DMD: variants seen among roughly 807,000 people sequenced by gnomAD.
The protein encoded by DMD is dystrophin.
Under a neutral mutation model 330.1 loss-of-function variants are expected in DMD, and 63 were observed. The ratio of observed to expected loss-of-function variants is 0.19; its 90% CI spans 0.16 to 0.24. DMD has a LOEUF of 0.24. Among genes scored for constraint, DMD ranks in the 10% least tolerant of loss-of-function variants. The pLI, the probability that DMD is intolerant of heterozygous loss-of-function variation, is 1.00. For missense variants in DMD, 3,344 were observed against 2,684.1 expected (o/e 1.25, Z -5.43); for synonymous variants, 1,223 against 959.8 (o/e 1.27, Z -5.07).
chrX:31,774,886 T>A (rs187969593), intron 50 of DMD, among the ~76,000 whole-genome samples: 1 of 112,151 alleles, frequency 8.9e-6, no homozygotes, highest in Non-Finnish European at 1.9e-5. Flanking sequence ...AGTCATTAAA[T>A]AAATCTTAAT....
intron 55 of DMD, among the ~76,000 whole-genome samples, chrX:31,598,479 T>C (rs1464390432): frequency 9.0e-6 from 1 of 111,567 alleles, no homozygotes; most frequent in Admixed American, 9.6e-5. Context: ...CTATTTGCTT[T>C]TCAATTGCTT....
chrX:32,717,074 T>C (rs1043443007), intron 7 of DMD, among the ~76,000 whole-genome samples: 3 of 110,817 alleles, frequency 2.7e-5, no homozygotes, highest in Non-Finnish European at 5.7e-5. Context: ...GACCATGTGG[T>C]AGAAAACAAA....
chrX:31,454,998 G>C (rs2066060013), intron 59 of DMD, among the ~76,000 whole-genome samples: 1 of 93,745 alleles, frequency 1.1e-5, no homozygotes, highest in Admixed American at 1.2e-4. Context: ...ATGTTTTCCA[G>C]GCTGGTCTCA....
intron 1 of DMD, among the ~76,000 whole-genome samples, chrX:33,126,473 C>G (rs1017092217): frequency 3.6e-5 from 4 of 111,318 alleles, no homozygotes; most frequent in Non-Finnish European, 7.5e-5. Flanking sequence ...TGGCATCCAG[C>G]AAGCTGTGGT....
At chrX:32,434,475 C>CA (rs2098251430) in intron 29 of DMD, among the ~76,000 whole-genome samples, 1 of 111,375 alleles carries the variant, frequency 9.0e-6, no homozygotes, top group Non-Finnish European at 1.9e-5. Flanking sequence ...TTTAACCAAC[C>CA]AAAAATCAAG....
At chrX:33,027,630 T>C (rs762420519) in intron 1 of DMD, among the ~76,000 whole-genome samples, 2 of 112,480 alleles carry the variant, frequency 1.8e-5, no homozygotes, top group South Asian at 7.4e-4. Context: ...CTCTAGCTTT[T>C]TTCCTTCTAG....
At chrX:32,957,755 T>C (rs1602214754) in intron 2 of DMD, among the ~76,000 whole-genome samples, 1 of 111,812 alleles carries the variant, frequency 8.9e-6, no homozygotes, top group Non-Finnish European at 1.9e-5. Flanking sequence ...ATGAAAGATC[T>C]ACATCAGCAG....
rs111356942 is a variant in DMD, at chrX:31,440,250, C to T, written c.9084+4231G>A. Among the ~76,000 whole-genome samples, 248 of 108,646 alleles carry T rather than the reference C, an allele frequency of 2.3e-3. 2 individuals carry two copies. The highest frequency in any genetic ancestry group is 8.0e-3 in the African/African-American group (238 of 29,784). The allele number at this position is 108,646 out of a possible 115,157, so 94.3% of individuals were successfully genotyped here. On this transcript the variant is annotated intron_variant, in intron 60 of 78. Coordinates refer to ENST00000357033, the MANE Select transcript of DMD (RefSeq NM_004006.3). Reference sequence around the variant, plus strand: ...GCAACATCCGCCTCCCGGGTTCAAGCGATTCTCCTGCCTCAGCTTCCCAAG... The same window carrying T: ...GCAACATCCGCCTCCCGGGTTCAAGTGATTCTCCTGCCTCAGCTTCCCAAG...
chrX:31,306,524 CTAT>C (rs1331076783), intron 62 of DMD, among the ~76,000 whole-genome samples: 1 of 111,942 alleles, frequency 8.9e-6, no homozygotes, highest in East Asian at 2.8e-4. Flanking sequence ...TATTATTACT[CTAT>C]AAAATGGCAA....
intron 9 of DMD, among the ~76,000 whole-genome samples, chrX:32,675,371 A>C (rs5927095): frequency 0.21 from 23,019 of 110,727 alleles, 3,004 homozygotes; most frequent in African/African-American, 0.49. Context: ...AAAAAGATTA[A>C]TGAAGTCATC....
intron 1 of DMD, among the ~76,000 whole-genome samples, chrX:33,269,223 G>A (rs759414885): frequency 3.6e-5 from 4 of 111,606 alleles, no homozygotes; most frequent in Non-Finnish European, 7.5e-5. Context: ...TAAAGAAAAT[G>A]TAGTACATAC....
chrX:32,034,758 A>C (rs1569534895), intron 44 of DMD, among the ~76,000 whole-genome samples: 1 of 111,865 alleles, frequency 8.9e-6, no homozygotes, highest in Non-Finnish European at 1.9e-5. Flanking sequence ...TTTTAACAAA[A>C]GCCAGCGTTA....
intron 60 of DMD, among the ~76,000 whole-genome samples, chrX:31,411,090 C>T (rs2061626116): frequency 1.8e-5 from 2 of 110,452 alleles, no homozygotes; most frequent in South Asian, 7.9e-4. Flanking sequence ...TGTGTAAGGG[C>T]GTAGGTACTT....
Position 32,189,627 on chromosome X carries a change from A to AT in DMD, c.6438+27288dup, listed in dbSNP as rs34255436. Among the ~76,000 whole-genome samples, 127 of 104,841 alleles carry AT rather than the reference A, an allele frequency of 1.2e-3. 1 individual carries two copies. The highest frequency in any genetic ancestry group is 0.01 in the Middle Eastern group (2 of 196). 91.0% of individuals were successfully genotyped at this position (104,841 alleles called of 115,157 possible). A position where few individuals can be genotyped will look rare whatever the true frequency, so the allele number is the denominator to read the frequency against. The stretch of plus-strand genomic sequence containing the variant: ...ACTACGCAGCAGGCATACTTCTAGG[A>AT]TTTTTTTTTTTTTCCTATATAACCA... On this transcript the variant is annotated intron_variant, in intron 44 of 78. Coordinates refer to ENST00000357033, the MANE Select transcript of DMD (RefSeq NM_004006.3).
intron 44 of DMD, among the ~76,000 whole-genome samples, chrX:32,209,169 T>C (rs1286007443): frequency 8.9e-6 from 1 of 111,786 alleles, no homozygotes; most frequent in Non-Finnish European, 1.9e-5. Context: ...TACTACAGTT[T>C]CAGCAAGTGA....
At chrX:31,782,102 A>T (rs1430113861) in intron 50 of DMD, among the ~76,000 whole-genome samples, 1 of 111,672 alleles carries the variant, frequency 9.0e-6, no homozygotes, top group Non-Finnish European at 1.9e-5. Flanking sequence ...ATGGCTGCCA[A>T]GGAATAATAA....
At chrX:32,359,448 AT>A (rs1036872771) in intron 37 of DMD, among the ~76,000 whole-genome samples, 9 of 111,083 alleles carry the variant, frequency 8.1e-5, no homozygotes, top group East Asian at 5.6e-4. Flanking sequence ...TCACCATAGT[AT>A]TTTTTTTCCC....
chrX:32,741,735 A>G (rs2069301356), intron 7 of DMD, among the ~76,000 whole-genome samples: 1 of 111,899 alleles, frequency 8.9e-6, no homozygotes, highest in African/African-American at 3.2e-5. Flanking sequence ...TACCAACACA[A>G]TATTTGGTTG....
intron 21 of DMD, among the ~76,000 whole-genome samples, chrX:32,477,661 A>C (rs2148521043): frequency 9.0e-6 from 1 of 111,197 alleles, no homozygotes; most frequent in African/African-American, 3.3e-5. Context: ...GTATATTGAA[A>C]ATTCTGAGAG....
Sources: gnomAD v4.1 joint callset for allele counts (sites outside exome capture counted in the v4.1 genomes callset) on GRCh38, gnomAD v4.1.1 for gene constraint, MANE v1.5 for transcripts, NCBI Gene and HGNC (gene_info 2026-07-23, HGNC 2026-07-21) for gene names.